TRDMT1: variants seen among roughly 807,000 people sequenced by gnomAD.
TRDMT1 encodes the protein tRNA (cytosine(38)-C(5))-methyltransferase.
TRDMT1 carries 49 observed loss-of-function variants against 51.2 expected under a neutral mutation model. That is an observed-to-expected ratio of 0.96 (90% CI 0.76 to 1.21). The LOEUF is 1.21. Among genes scored for constraint, TRDMT1 ranks in the 50% most tolerant of loss-of-function variants. TRDMT1 has a pLI of 0.00. For synonymous variants in TRDMT1, 187 were observed against 164.6 expected (o/e 1.14, Z -1.04); for missense variants, 534 against 462.3 (o/e 1.16, Z -1.42).
intron 1 of TRDMT1, among the ~76,000 whole-genome samples, chr10:17,186,280 T>C (rs1229494826): frequency 6.6e-6 from 1 of 152,136 alleles, no homozygotes; most frequent in Non-Finnish European, 1.5e-5. Flanking sequence ...TGTGAAAATG[T>C]TACCTTACAT....
intron 2 of TRDMT1, chr10:17,169,636 G>C: frequency 1.3e-6 from 1 of 765,728 alleles, no homozygotes; most frequent in Non-Finnish European, 1.9e-6. Context: ...GAAACTTAAA[G>C]AAATGAGCCC....
Position 17,148,815 on chromosome 10 carries a change from A to G in TRDMT1, c.*225T>C. On this transcript the variant is annotated 3_prime_UTR_variant, in exon 11 of 11. Transcript: ENST00000377799. The stretch of plus-strand genomic sequence containing the variant: ...TATATATTTATCAGTTTCATATGAA[A>G]ATATACTCTCCATAAAGCATAACAA... 1 of 1,103,430 alleles carries G rather than the reference A, an allele frequency of 9.1e-7. No homozygotes were observed. Among genetic ancestry groups the G allele is most frequent in the Non-Finnish European group, 1.1e-6 (1 of 882,814 alleles). The allele number at this position is 1,103,430 out of a possible 1,614,324, so 68.4% of individuals were successfully genotyped here.
chr10:17,141,243 G>T lies in TRDMT1; in HGVS notation c.*7797C>A, dbSNP rs1299869343. Among the ~76,000 whole-genome samples, 1 of 152,130 alleles carries T rather than the reference G, an allele frequency of 6.6e-6. No homozygotes were observed. The highest frequency in any genetic ancestry group is 1.5e-5 in the Non-Finnish European group (1 of 68,016). ...AGTGGCACGATCTCAGCTCACTGCA[G>T]TCTCCGCTCCTGGGTTCAAGCCATT... On this transcript the variant is annotated 3_prime_UTR_variant, in exon 11 of 11. Coordinates refer to ENST00000377799, the MANE Select transcript of TRDMT1 (RefSeq NM_004412.7).
At chr10:17,184,061 C>T (rs1415950415) in intron 1 of TRDMT1, among the ~76,000 whole-genome samples, 3 of 152,132 alleles carry the variant, frequency 2.0e-5, no homozygotes, top group Admixed American at 2.0e-4. Flanking sequence ...CTAGCATACG[C>T]CCAAAAAATG....
intron 1 of TRDMT1, among the ~76,000 whole-genome samples, chr10:17,199,073 T>C (rs1469672606): frequency 2.0e-5 from 3 of 152,212 alleles, no homozygotes; most frequent in Non-Finnish European, 2.9e-5. Flanking sequence ...TAATAAACAC[T>C]AAAGTTAGCT....
chr10:17,191,377 A>T (rs1474253139), intron 1 of TRDMT1, among the ~76,000 whole-genome samples: 5 of 152,222 alleles, frequency 3.3e-5, no homozygotes, highest in Admixed American at 3.3e-4. Flanking sequence ...ATCAGTAAAG[A>T]GGCTACTGCA....
At chr10:17,201,233 C>T (rs1287404794) in intron 1 of TRDMT1, 2 of 247,970 alleles carry the variant, frequency 8.1e-6, no homozygotes, top group Non-Finnish European at 1.6e-5. Flanking sequence ...TGGCTGCACA[C>T]TTAGAATGGG....
chr10:17,201,591 C>T lies in TRDMT1; in HGVS notation c.44G>A (p.Gly15Asp), dbSNP rs1846193529. The change falls in exon 1 of 11, where the codon GGC becomes GAC. Residue 15 changes from glycine (G) to aspartate (D), a missense_variant. Coordinates refer to ENST00000377799, the MANE Select transcript of TRDMT1 (RefSeq NM_004412.7). ...RVLELYSGVGGMHHALRESCI... is the reference protein window; with the variant it reads ...RVLELYSGVGDMHHALRESCI... The stretch of plus-strand genomic sequence containing the variant: ...CTCACCTCTCAGCGCGTGGTGCATG[C>T]CGCCCACGCCGCTGTATAGCTCCAG... 4.5e-6 allele frequency: 7 copies of T among 1,548,894 alleles called. No homozygotes were observed. Among genetic ancestry groups the T allele is most frequent in the African/African-American group, 1.4e-5 (1 of 72,954 alleles).
At chr10:17,168,106 C>T (rs1019034731) in intron 3 of TRDMT1, among the ~76,000 whole-genome samples, 9 of 151,906 alleles carry the variant, frequency 5.9e-5, no homozygotes, top group African/African-American at 2.2e-4. Flanking sequence ...GCTTTTAGGC[C>T]AGCCGTGGCA....
rs1382970633 is a variant in TRDMT1, at chr10:17,138,450, G to A, written c.*10590C>T. Among the ~76,000 whole-genome samples, 1 of 152,156 alleles carries A rather than the reference G, an allele frequency of 6.6e-6. No individual in the cohort carries two copies. Among genetic ancestry groups the A allele is most frequent in the Non-Finnish European group, 1.5e-5 (1 of 68,024 alleles). On this transcript the variant is annotated 3_prime_UTR_variant, in exon 11 of 11. Coordinates refer to ENST00000377799, the MANE Select transcript of TRDMT1 (RefSeq NM_004412.7). The stretch of plus-strand genomic sequence containing the variant: ...TCCATGAAGGATTACATAAAATAAT[G>A]ATGGAAATCAAGGTACATTTAAAAC...
rs145113408 is a variant in TRDMT1, at chr10:17,157,999, T to C, written c.544-215A>G. On this transcript the variant is annotated intron_variant, in intron 7 of 10. Transcript: ENST00000377799. The stretch of plus-strand genomic sequence containing the variant: ...ATCAGGCTGCAGATGATTTATTTCA[T>C]GGATTAGTGTTTACAGTATTTATTA... Among the ~76,000 whole-genome samples, 254 of 152,306 alleles carry C rather than the reference T, an allele frequency of 1.7e-3. 1 individual carries two copies. The highest frequency in any genetic ancestry group is 5.8e-3 in the African/African-American group (240 of 41,566).
chr10:17,192,463 C>T (rs188781338), intron 1 of TRDMT1, among the ~76,000 whole-genome samples: 1 of 152,196 alleles, frequency 6.6e-6, no homozygotes, highest in African/African-American at 2.4e-5. Flanking sequence ...ATAGCCCTGG[C>T]GCATCTTTTC....
Position 17,201,553 on chromosome 10 carries a change from T to A in TRDMT1, c.64+18A>T, listed in dbSNP as rs1846182591. The A allele has an allele frequency of 4.5e-6, 7 of 1,547,442 alleles. No individual in the cohort carries two copies. The highest frequency in any genetic ancestry group is 1.7e-4 in the Middle Eastern group (1 of 5,944). On this transcript the variant is annotated intron_variant, in intron 1 of 10. Coordinates refer to ENST00000377799, the MANE Select transcript of TRDMT1 (RefSeq NM_004412.7). ...CCCCGTGAGCGAATAGAGAGAGGGG[T>A]GCTAGATGGACTCTCACCTCTCAGC...
chr10:17,188,229 A>G (rs1208984592), intron 1 of TRDMT1, among the ~76,000 whole-genome samples: 1 of 152,066 alleles, frequency 6.6e-6, no homozygotes, highest in Non-Finnish European at 1.5e-5. Context: ...ATCTGAGGTA[A>G]TCTTTAGGAT....
chr10:17,144,618 G>C lies in TRDMT1; in HGVS notation c.*4422C>G. On this transcript the variant is annotated 3_prime_UTR_variant, in exon 11 of 11. Transcript: ENST00000377799. ...ACTTGGGGAATACAAAGCCAAAACAGCTCATTGTACATGCTCATATTTCTT... is the reference window on the plus strand; with the variant it reads ...ACTTGGGGAATACAAAGCCAAAACACCTCATTGTACATGCTCATATTTCTT... 2.0e-6 allele frequency: 2 copies of C among 985,358 alleles called. No individual in the cohort carries two copies. The highest frequency in any genetic ancestry group is 2.4e-6 in the Non-Finnish European group (2 of 829,888). The allele number at this position is 985,358 out of a possible 1,614,324, so 61.0% of individuals were successfully genotyped here.
Position 17,153,560 on chromosome 10 carries a change from C to A in TRDMT1, c.1022G>T (p.Arg341Leu), listed in dbSNP as rs143289233. 6.2e-7 allele frequency: 1 copy of A among 1,613,580 alleles called. No individual in the cohort carries two copies. The highest frequency in any genetic ancestry group is 8.5e-7 in the Non-Finnish European group (1 of 1,179,826). ...TGCTATTTCTTTAGGAGTGAAATAT[C>A]GCAGTTTAAGTATTAACAGCTTTGT... ...QITKLLILKL[R>L]YFTPKEIANL... The change falls in exon 10 of 11, where the codon CGA becomes CTA. Residue 341 changes from arginine (R) to leucine (L), a missense_variant. By Grantham distance (102) the Arg-to-Leu change is moderately radical. Transcript: ENST00000377799.
chr10:17,195,992 A>C (rs796797642), intron 1 of TRDMT1, among the ~76,000 whole-genome samples: 8 of 152,358 alleles, frequency 5.3e-5, no homozygotes, highest in African/African-American at 1.9e-4. Context: ...TGCTATAAAA[A>C]TATCCTTAGG....
At chr10:17,198,647 A>C (rs1845757170) in intron 1 of TRDMT1, among the ~76,000 whole-genome samples, 1 of 152,176 alleles carries the variant, frequency 6.6e-6, no homozygotes, top group Non-Finnish European at 1.5e-5. Context: ...CTGGGGGGAA[A>C]GGGAATTTGG....
chr10:17,144,503 G>T lies in TRDMT1; in HGVS notation c.*4537C>A, dbSNP rs1045258658. The T allele has an allele frequency of 1.0e-6, 1 of 985,718 alleles. No homozygotes were observed. Among genetic ancestry groups the T allele is most frequent in the Admixed American group, 6.1e-5 (1 of 16,278 alleles). 61.1% of individuals were successfully genotyped at this position (985,718 alleles called of 1,614,324 possible). A position where few individuals can be genotyped will look rare whatever the true frequency, so the allele number is the denominator to read the frequency against. On this transcript the variant is annotated 3_prime_UTR_variant, in exon 11 of 11. Transcript: ENST00000377799. ...TTGGAAGCTTTAGGAGTCAAGTGTG[G>T]TGTACTTGAGGGAGACTTCAGTAAG...
Sources: allele counts gnomAD v4.1 joint callset (sites outside exome capture counted in the v4.1 genomes callset), GRCh38; gene constraint gnomAD v4.1.1; transcripts MANE v1.5; gene names NCBI Gene and HGNC (gene_info 2026-07-23, HGNC 2026-07-21).